The following PLCG1 variants were observed in gnomAD, a reference collection of about 807,000 sequenced individuals.
The protein encoded by PLCG1 is phospholipase C gamma 1.
In PLCG1, 71 loss-of-function variants were observed where a neutral mutation model predicts 177.8. The observed-to-expected ratio is 0.40, with a 90% confidence interval of 0.33 to 0.49. The LOEUF (loss-of-function observed/expected upper bound fraction) is 0.49, where lower values mean the gene tolerates loss of function less well. Ranked by LOEUF, PLCG1 falls within the 20% of genes least tolerant of loss-of-function variation. The pLI is 0.72. For synonymous variants in PLCG1, 658 were observed against 647.9 expected (o/e 1.02, Z -0.24); for missense variants, 1,281 against 1,709.0 (o/e 0.75, Z 4.42).
rs1055841443 is a variant in PLCG1 at position 41,163,561 on chromosome 20, C to T, written c.891+82C>T. The T allele has an allele frequency of 3.3e-5, 38 of 1,142,282 alleles. No individual in the cohort carries two copies. Among genetic ancestry groups the T allele is most frequent in the South Asian group, 1.8e-4 (15 of 81,448 alleles). The allele number at this position is 1,142,282 out of a possible 1,614,324, so 70.8% of individuals were successfully genotyped here. ...CCCCACCCGGGCTCCAGGAGCTAGACGCTCCTTAGGGATGCCACCTTGTTT... is the reference window on the plus strand; with the variant it reads ...CCCCACCCGGGCTCCAGGAGCTAGATGCTCCTTAGGGATGCCACCTTGTTT... On this transcript the variant is annotated intron_variant, in intron 9 of 31. Transcript: ENST00000685551. The surrounding 1 kb of genome is among the most constrained non-coding windows in gnomAD (Gnocchi z 5.2).
In PLCG1 at chr20:41,167,693, G is replaced by C. The variant is rs1161116970; in HGVS notation, c.2302-159G>C. The C allele has an allele frequency of 9.6e-6, 6 of 621,928 alleles. No homozygotes were observed. The highest frequency in any genetic ancestry group is 1.7e-5 in the Non-Finnish European group (6 of 345,598). The allele number at this position is 621,928 out of a possible 1,614,324, so 38.5% of individuals were successfully genotyped here. ...GAAAGGGAACAGTGAGGCCGGGCCT[G>C]AGGCCTCTGAAGCCGTCTCTACTGA... On this transcript the variant is annotated intron_variant, in intron 19 of 31. Transcript: ENST00000685551. The surrounding 1 kb of genome is among the most constrained non-coding windows in gnomAD (Gnocchi z 4.4).
intron 1 of PLCG1, among the ~76,000 whole-genome samples, chr20:41,149,634 G>A (rs1278511997): frequency 6.6e-6 from 1 of 152,214 alleles, no homozygotes; most frequent in Non-Finnish European, 1.5e-5. Flanking sequence ...CTAGAGACCT[G>A]TTTGTGAATT....
At position 41,165,039 on chromosome 20, in the gene PLCG1, G is replaced by C; in HGVS notation, c.1324G>C (p.Val442Leu). The part of the protein sequence containing the change: ...VLGDTLLTKP[V>L]EISADGLPSP... ...GGGGGACACACTCCTCACCAAGCCC[G>C]TGGAGATCTCTGCCGACGGGCTCCC... is the stretch of plus-strand genomic sequence containing the variant. Residue 442 changes from valine (V) to leucine (L), a missense_variant, in exon 13 of 32, where the codon GTG (valine) becomes CTG (leucine). Transcript: ENST00000685551. This position sits in a 1 kb window ranked among gnomAD's most constrained non-coding sequence, Gnocchi z 6.6. The C allele has an allele frequency of 6.2e-7, 1 of 1,614,126 alleles. No homozygotes were observed. Among genetic ancestry groups the C allele is most frequent in the South Asian group, 1.1e-5 (1 of 91,072 alleles).
Position 41,174,798 on chromosome 20 carries a change from C to A in PLCG1, c.*289C>A, listed in dbSNP as rs562087039. ...AGATGGATCCTTCCATCTTGTGGGG[C>A]CAGGACCATGGCCGAAGCCCCTTGG... On this transcript the variant is annotated 3_prime_UTR_variant, in exon 32 of 32. Transcript: ENST00000685551. This position sits in a 1 kb window ranked among gnomAD's most constrained non-coding sequence, Gnocchi z 5.8. 160 of 453,442 alleles carry A rather than the reference C, an allele frequency of 3.5e-4. No homozygotes were observed. The highest frequency in any genetic ancestry group is 5.6e-4 in the Non-Finnish European group (138 of 247,350). 28.1% of individuals were successfully genotyped at this position (453,442 alleles called of 1,614,324 possible). A position where few individuals can be genotyped will look rare whatever the true frequency, so the allele number is the denominator to read the frequency against.
chr20:41,158,464 T>C (rs2035391072), intron 1 of PLCG1, among the ~76,000 whole-genome samples: 1 of 152,206 alleles, frequency 6.6e-6, no homozygotes. Flanking sequence ...GGCTGGAATG[T>C]CTGCCCTCCA....
At chr20:41,161,281 T>C (rs1297841988) in intron 4 of PLCG1, among the ~76,000 whole-genome samples, 1 of 152,018 alleles carries the variant, frequency 6.6e-6, no homozygotes, top group Non-Finnish European at 1.5e-5. Flanking sequence ...GGATTTAACA[T>C]GGTGAGAAGA....
chr20:41,175,790 T>G lies in PLCG1; in HGVS notation c.*1281T>G, dbSNP rs1369436520. ...CATGGGACATGCTCACTAGAAACAG[T>G]CGCCAGATGATTATTCTGCAGTAGA... On this transcript the variant is annotated 3_prime_UTR_variant, in exon 32 of 32. Coordinates refer to ENST00000685551, the MANE Select transcript of PLCG1 (RefSeq NM_002660.3). The G allele has an allele frequency of 6.6e-6, 1 of 152,652 alleles. No homozygotes were observed. The highest frequency in any genetic ancestry group is 1.5e-5 in the Non-Finnish European group (1 of 68,056). The allele number at this position is 152,652 out of a possible 1,614,324, so 9.5% of individuals were successfully genotyped here.
At position 41,174,702 on chromosome 20, in the gene PLCG1, C is replaced by T. The variant is rs184484019; in HGVS notation, c.*193C>T. On this transcript the variant is annotated 3_prime_UTR_variant, in exon 32 of 32. Transcript: ENST00000685551. This position sits in a 1 kb window ranked among gnomAD's most constrained non-coding sequence, Gnocchi z 5.8. ...TATTACTGTTTTGGGCCTCCATGCC[C>T]CAGCTCTGGATGAAGGCAAAAACTG... 17 of 609,106 alleles carry T rather than the reference C, an allele frequency of 2.8e-5. No individual in the cohort carries two copies. Among genetic ancestry groups the T allele is most frequent in the Non-Finnish European group, 3.8e-5 (13 of 340,074 alleles). The allele number at this position is 609,106 out of a possible 1,614,324, so 37.7% of individuals were successfully genotyped here.
Position 41,166,604 on chromosome 20 carries a change from T to G in PLCG1, c.2120+9T>G, listed in dbSNP as rs2146046752. 2.5e-6 allele frequency: 4 copies of G among 1,613,948 alleles called. No individual in the cohort carries two copies. The highest frequency in any genetic ancestry group is 3.4e-6 in the Non-Finnish European group (4 of 1,180,002). On this transcript the variant is annotated intron_variant, in intron 18 of 31. Coordinates refer to ENST00000685551, the MANE Select transcript of PLCG1 (RefSeq NM_002660.3). This position sits in a 1 kb window ranked among gnomAD's most constrained non-coding sequence, Gnocchi z 8.6. ...TATGCCATCTCTTTCCGGTGAGGGGTGTGGCACTGGGTTGTGGGGCCTTGC... is the reference window on the plus strand; with the variant it reads ...TATGCCATCTCTTTCCGGTGAGGGGGGTGGCACTGGGTTGTGGGGCCTTGC...
In PLCG1 at chr20:41,174,858, C is replaced by G. The variant is rs889304670; in HGVS notation, c.*349C>G. 2 of 279,300 alleles carry G rather than the reference C, an allele frequency of 7.2e-6. No homozygotes were observed. The highest frequency in any genetic ancestry group is 1.7e-4 in the East Asian group (2 of 11,482). 17.3% of individuals were successfully genotyped at this position (279,300 alleles called of 1,614,324 possible). A position where few individuals can be genotyped will look rare whatever the true frequency, so the allele number is the denominator to read the frequency against. On this transcript the variant is annotated 3_prime_UTR_variant, in exon 32 of 32. Coordinates refer to ENST00000685551, the MANE Select transcript of PLCG1 (RefSeq NM_002660.3). The surrounding 1 kb of genome is among the most constrained non-coding windows in gnomAD (Gnocchi z 5.8). Reference sequence around the variant, plus strand: ...CTGCCTCAGCCAGTGGCACAGGAGACTCCAAGGAGCTACTGACATTCCTAA... The same window carrying G: ...CTGCCTCAGCCAGTGGCACAGGAGAGTCCAAGGAGCTACTGACATTCCTAA...
Position 41,172,711 on chromosome 20 carries a change from A to G in PLCG1, c.3131-18A>G, listed in dbSNP as rs926235098. The stretch of plus-strand genomic sequence containing the variant: ...TGGGGCAGCTGGACTGGAATACACC[A>G]TAATCTGCCTCTTCCAGACAAGCCT... On this transcript the variant is annotated intron_variant, in intron 26 of 31. Transcript: ENST00000685551. The surrounding 1 kb of genome is among the most constrained non-coding windows in gnomAD (Gnocchi z 7.0). 1.2e-6 allele frequency: 2 copies of G among 1,613,470 alleles called. No individual in the cohort carries two copies. The highest frequency in any genetic ancestry group is 1.1e-5 in the South Asian group (1 of 91,054).
chr20:41,149,374 T>C (rs2035094997), intron 1 of PLCG1, among the ~76,000 whole-genome samples: 2 of 152,188 alleles, frequency 1.3e-5, no homozygotes, highest in African/African-American at 4.8e-5. Context: ...CTCAGAGGGC[T>C]GGATTGGGGG....
chr20:41,172,559 G>A lies in PLCG1; in HGVS notation c.3044G>A (p.Gly1015Asp). The change falls in exon 26 of 32, where the codon GGC (glycine) becomes GAC (aspartate). Residue 1015 changes from glycine (G) to aspartate (D), a missense_variant. By Grantham distance (94) the Gly-to-Asp change is moderately conservative. This residue lies in a region of PLCG1 where 723 missense variants were observed against 1,030.0 expected (regional missense o/e 0.70). Coordinates refer to ENST00000685551, the MANE Select transcript of PLCG1 (RefSeq NM_002660.3). The surrounding 1 kb of genome is among the most constrained non-coding windows in gnomAD (Gnocchi z 7.0). ...CAGCTCTCCCGCATCTACCCCAAGG[G>A]CCAGCGACTGGATTCCTCCAACTAC... Reference protein sequence around the residue: ...RLQLSRIYPKGQRLDSSNYDP... With the variant: ...RLQLSRIYPKDQRLDSSNYDP... 6.2e-7 allele frequency: 1 copy of A among 1,614,192 alleles called. No homozygotes were observed. The highest frequency in any genetic ancestry group is 8.5e-7 in the Non-Finnish European group (1 of 1,180,034).
chr20:41,165,649 GCA>G lies in PLCG1; in HGVS notation c.1625_1626del (p.Thr542ArgfsTer6), dbSNP rs2035659350. 6.2e-7 allele frequency: 1 copy of G among 1,613,516 alleles called. No homozygotes were observed. Among genetic ancestry groups the G allele is most frequent in the Non-Finnish European group, 8.5e-7 (1 of 1,179,674 alleles). On this transcript the variant is annotated frameshift_variant, in exon 16 of 32. Transcript: ENST00000685551. LOFTEE classifies it high-confidence loss of function. This position sits in a 1 kb window ranked among gnomAD's most constrained non-coding sequence, Gnocchi z 6.6. ...GCCTTCCCCTGACAGGTCAGCAGCAGCACAGAGCTGCACTCCAATGAGAAGTG... is the reference window on the plus strand; with the variant it reads ...GCCTTCCCCTGACAGGTCAGCAGCAGCAGAGCTGCACTCCAATGAGAAGTG...
chr20:41,168,375 G>A (rs978257349), intron 20 of PLCG1, among the ~76,000 whole-genome samples: 1 of 152,248 alleles, frequency 6.6e-6, no homozygotes, highest in Non-Finnish European at 1.5e-5. Context: ...TCACAGATGA[G>A]TGGTAGGGTC....
chr20:41,155,752 C>G (rs974905633), intron 1 of PLCG1, among the ~76,000 whole-genome samples: 2 of 152,180 alleles, frequency 1.3e-5, no homozygotes, highest in African/African-American at 4.8e-5. Flanking sequence ...GTCAATGGCA[C>G]TAGGCACACA....
chr20:41,174,620 T>A lies in PLCG1; in HGVS notation c.*111T>A, dbSNP rs879478805. On this transcript the variant is annotated 3_prime_UTR_variant, in exon 32 of 32. Transcript: ENST00000685551. The surrounding 1 kb of genome is among the most constrained non-coding windows in gnomAD (Gnocchi z 5.8). ...TGGCGGCCTTCCGGGTCTCGCAGCC[T>A]GAAGCCTGGATTCCAGCAGTGAATG... 1.1e-6 allele frequency: 1 copy of A among 894,200 alleles called. No individual in the cohort carries two copies. The highest frequency in any genetic ancestry group is 1.8e-6 in the Non-Finnish European group (1 of 554,170). 55.4% of individuals were successfully genotyped at this position (894,200 alleles called of 1,614,324 possible).
intron 24 of PLCG1, among the ~76,000 whole-genome samples, chr20:41,171,644 T>TTA (rs1568757237): frequency 7.3e-6 from 1 of 137,402 alleles, no homozygotes; most frequent in East Asian, 2.2e-4. Flanking sequence ...AGAGGATGGG[T>TTA]TGGGGTGCTT....
Position 41,144,009 on chromosome 20 carries a change from C to T in PLCG1, c.217+6151C>T, listed in dbSNP as rs2034916411. 6.6e-6 allele frequency among the ~76,000 whole-genome samples: 1 copy of T among 152,216 alleles called. No homozygotes were observed. The highest frequency in any genetic ancestry group is 1.5e-5 in the Non-Finnish European group (1 of 68,044). ...AACAACCTGGGCTAGGAGTCTGTTT[C>T]CTACTTGCTTTCTGTGTTCCTTCCC... On this transcript the variant is annotated intron_variant, in intron 1 of 31. Coordinates refer to ENST00000685551, the MANE Select transcript of PLCG1 (RefSeq NM_002660.3). This position sits in a 1 kb window ranked among gnomAD's most constrained non-coding sequence, Gnocchi z 4.1.
Sources: gnomAD v4.1 joint callset for allele counts (sites outside exome capture counted in the v4.1 genomes callset) on GRCh38, gnomAD v4.1.1 for gene constraint, gnomAD v4.1.1 regional missense constraint, Gnocchi (gnomAD v3.1) non-coding constraint, MANE v1.5 for transcripts, NCBI Gene and HGNC (gene_info 2026-07-23, HGNC 2026-07-21) for gene names.